LRTM3: variants seen among roughly 807,000 people sequenced by gnomAD.
LRTM3 encodes the protein leucine-rich repeat transmembrane protein 3.
the LRTM3 span, chr13:102,743,176 T>C: frequency 6.4e-7 from 1 of 1,550,682 alleles, no homozygotes; most frequent in African/African-American, 1.4e-5. Flanking sequence ...CTCTATCATG[T>C]AGTTTTGCTC....
the LRTM3 span, chr13:102,741,425 T>A: frequency 6.5e-7 from 1 of 1,550,258 alleles, no homozygotes; most frequent in South Asian, 1.2e-5. Context: ...TACCTCTGAA[T>A]TTGTACAAAG....
chr13:102,746,325 C>T, the LRTM3 span: 2 of 1,550,752 alleles, frequency 1.3e-6, no homozygotes, highest in African/African-American at 1.4e-5. Context: ...TGCAATTTTT[C>T]CTCTCTGTCA....
chr13:102,748,656 G>C, the LRTM3 span: 5 of 1,550,450 alleles, frequency 3.2e-6, 1 homozygote, highest in South Asian at 6.0e-5. Flanking sequence ...GGAATATGGA[G>C]ATCAAATGGT....
the LRTM3 span, among the ~76,000 whole-genome samples, chr13:102,753,936 C>T: frequency 0.083 from 12,641 of 152,072 alleles, 680 homozygotes; most frequent in South Asian, 0.14. Context: ...GCAGGCTGGG[C>T]GGGGTGGCTC....
At chr13:102,741,063 C>T in the LRTM3 span, 2 of 1,550,040 alleles carry the variant, frequency 1.3e-6, no homozygotes, top group Middle Eastern at 1.7e-4. Context: ...TCTGCTGAGC[C>T]TTCTTTCTTG....
the LRTM3 span, chr13:102,748,009 A>T: frequency 1.3e-6 from 2 of 1,550,994 alleles, no homozygotes; most frequent in Non-Finnish European, 1.7e-6. Context: ...TACAGCTCTT[A>T]TCAATGTATT....
chr13:102,758,885 C>T, the LRTM3 span: 1 of 1,548,966 alleles, frequency 6.5e-7, no homozygotes, highest in Non-Finnish European at 8.7e-7. Context: ...TATTATCTTC[C>T]AGTCCACTCC....
the LRTM3 span, chr13:102,739,237 A>G: frequency 1.3e-6 from 2 of 1,550,402 alleles, no homozygotes; most frequent in Admixed American, 2.0e-5. Flanking sequence ...GTAAATGTCT[A>G]AAAAGTGATT....
At chr13:102,753,494 T>TAAAAAAAAAAAAAAA in the LRTM3 span, among the ~76,000 whole-genome samples, 4 of 124,422 alleles carry the variant, frequency 3.2e-5, no homozygotes, top group Non-Finnish European at 3.3e-5. Context: ...AAAGTAAAAT[T>TAAAAAAAAAAAAAAA]AAAAAAAAAA....
At chr13:102,732,743 A>G in the LRTM3 span, 1 of 1,551,170 alleles carries the variant, frequency 6.4e-7, no homozygotes, top group Non-Finnish European at 8.7e-7. Flanking sequence ...GGCCTTGTGC[A>G]TCTCTGTTTT....
the LRTM3 span, among the ~76,000 whole-genome samples, chr13:102,750,544 C>T: frequency 1.3e-5 from 2 of 152,072 alleles, no homozygotes; most frequent in African/African-American, 2.4e-5. Context: ...CAATTCATTA[C>T]CTAGTTCTTC....
chr13:102,729,816 C>T, the LRTM3 span: 1 of 1,551,870 alleles, frequency 6.4e-7, no homozygotes, highest in Non-Finnish European at 8.7e-7. Flanking sequence ...CAACTGTAAT[C>T]GTGGTCCCAA....
At chr13:102,729,392 C>A in the LRTM3 span, 1 of 1,276,418 alleles carries the variant, frequency 7.8e-7, no homozygotes, top group Non-Finnish European at 1.0e-6. Flanking sequence ...TTGTATTTTT[C>A]ACAGAATATC....
At chr13:102,732,125 G>C in the LRTM3 span, 1 of 1,551,272 alleles carries the variant, frequency 6.4e-7, no homozygotes, top group Non-Finnish European at 8.7e-7. Flanking sequence ...TTTTACAATT[G>C]TTAAAGTGTC....
At chr13:102,741,400 A>T in the LRTM3 span, 1 of 1,550,082 alleles carries the variant, frequency 6.5e-7, no homozygotes, top group Non-Finnish European at 8.7e-7. Context: ...TCTGCTCTGC[A>T]GGCACTTTGT....
the LRTM3 span, among the ~76,000 whole-genome samples, chr13:102,752,849 C>G: frequency 6.6e-6 from 1 of 152,082 alleles, no homozygotes; most frequent in Non-Finnish European, 1.5e-5. Flanking sequence ...ATAAGGCCAT[C>G]AAAAGATGAT....
At chr13:102,736,812 A>AT in the LRTM3 span, 2 of 1,550,886 alleles carry the variant, frequency 1.3e-6, no homozygotes, top group Non-Finnish European at 1.7e-6. Flanking sequence ...TGGGCCATGT[A>AT]TTTTGTTCTG....
At chr13:102,744,441 A>G in the LRTM3 span, 3 of 1,550,190 alleles carry the variant, frequency 1.9e-6, no homozygotes, top group Non-Finnish European at 2.6e-6. Context: ...CCAATCTTTG[A>G]TTTCCCTGTT....
At chr13:102,753,853 T>G in the LRTM3 span, among the ~76,000 whole-genome samples, 14 of 152,214 alleles carry the variant, frequency 9.2e-5, no homozygotes, top group African/African-American at 3.4e-4. Context: ...CTCAGTCTAA[T>G]ATAGTAATCC....
Sources: allele counts gnomAD v4.1 joint callset (sites outside exome capture counted in the v4.1 genomes callset), GRCh38; gene constraint gnomAD v4.1.1; transcripts MANE v1.5; gene names NCBI Gene and HGNC (gene_info 2026-07-23, HGNC 2026-07-21).